Variants in PHF14 observed in about 807,000 individuals in gnomAD.
PHF14 encodes the protein PHD finger protein 14.
PHF14 carries 55 observed loss-of-function variants against 117.9 expected under a neutral mutation model. The ratio of observed to expected loss-of-function variants is 0.47; its 90% CI spans 0.38 to 0.58. The LOEUF (loss-of-function observed/expected upper bound fraction) is 0.58, where lower values mean the gene tolerates loss of function less well. PHF14 is among the 20% of genes least tolerant of loss of function. PHF14 has a pLI of 0.00. For synonymous variants in PHF14, 409 were observed against 368.6 expected, an observed-to-expected ratio of 1.11 and a Z score of -1.26; for missense variants, 978 against 1,122.2, an observed-to-expected ratio of 0.87 and a Z score of 1.84.
chr7:10,989,815 G>A (rs543597514), intron 3 of PHF14, among the ~76,000 whole-genome samples: 2 of 152,208 alleles, frequency 1.3e-5, no homozygotes, highest in South Asian at 4.2e-4. Flanking sequence ...ATATTTTGTA[G>A]AGACAGGATC....
At chr7:11,100,342 G>A (rs182384706) in intron 16 of PHF14, among the ~76,000 whole-genome samples, 79 of 152,076 alleles carry the variant, frequency 5.2e-4, no homozygotes, top group Admixed American at 2.0e-3. Flanking sequence ...GATGCTTACT[G>A]TATCCCAGAC....
chr7:11,094,997 C>T (rs1295955981), intron 16 of PHF14, among the ~76,000 whole-genome samples: 1 of 151,864 alleles, frequency 6.6e-6, no homozygotes, highest in Non-Finnish European at 1.5e-5. Flanking sequence ...CCATTCTAGC[C>T]AGAGGCAGTT....
At chr7:11,105,251 C>T (rs983907841) in intron 16 of PHF14, 2 of 956,672 alleles carry the variant, frequency 2.1e-6, no homozygotes, top group African/African-American at 1.8e-5. Flanking sequence ...CATTGTCATT[C>T]GTTGTTGCTT....
At chr7:11,080,277 A>G in intron 16 of PHF14, among the ~76,000 whole-genome samples, 1 of 152,168 alleles carries the variant, frequency 6.6e-6, no homozygotes, top group East Asian at 1.9e-4. Context: ...AAATTTAAAA[A>G]AAACTTGATA....
At position 10,979,553 on chromosome 7, in the gene PHF14, CTT is replaced by C. The variant is rs202055293; in HGVS notation, c.113-2804_113-2803del. Among the ~76,000 whole-genome samples the C allele has an allele frequency of 7.8e-4, 103 of 131,728 alleles. No homozygotes were observed. The East Asian group carries it at 0.016, about 21-fold the overall frequency. The allele number at this position is 131,728 out of a possible 152,430, so 86.4% of individuals were successfully genotyped here. ...TCTTTTTTTCCTTTCCTTTCTCTCT[CTT>C]TTTTTTTTTTTTTTGGAACATAGCA... On this transcript the variant is annotated intron_variant, in intron 2 of 17. Coordinates refer to ENST00000634607, the MANE Select transcript of PHF14 (RefSeq NM_001007157.2).
rs139939164 is a variant in PHF14 at position 11,123,665 on chromosome 7, A to C, written c.2772+12198A>C. Among the ~76,000 whole-genome samples, 1,106 of 152,174 alleles carry C rather than the reference A, an allele frequency of 7.3e-3. 11 individuals are homozygous for C. Among genetic ancestry groups the C allele is most frequent in the African/African-American group, 0.025 (1,049 of 41,508 alleles). On this transcript the variant is annotated intron_variant, in intron 17 of 17. Coordinates refer to ENST00000634607, the MANE Select transcript of PHF14 (RefSeq NM_001007157.2). ...TGCAGTGGTGTGAACCTTTAGTCCC[A>C]CCTACTCGGGAGGCTGAGACAGGAG...
intron 16 of PHF14, among the ~76,000 whole-genome samples, chr7:11,101,586 T>C (rs1489852162): frequency 6.6e-6 from 1 of 151,906 alleles, no homozygotes; most frequent in Non-Finnish European, 1.5e-5. Flanking sequence ...TATTCTTTTG[T>C]GGGGGTGTTT....
chr7:11,104,182 A>C, intron 16 of PHF14: 2 of 983,722 alleles, frequency 2.0e-6, no homozygotes, highest in Non-Finnish European at 2.4e-6. Context: ...TTTCACTTTG[A>C]TTCCAATTAT....
chr7:11,134,642 G>C (rs549184927), intron 17 of PHF14, among the ~76,000 whole-genome samples: 1 of 152,018 alleles, frequency 6.6e-6, no homozygotes, highest in Non-Finnish European at 1.5e-5. Context: ...GCTAGTTAAT[G>C]ACAGAGCTAT....
chr7:11,142,728 A>C (rs1788435628), intron 17 of PHF14, among the ~76,000 whole-genome samples: 2 of 152,146 alleles, frequency 1.3e-5, no homozygotes, highest in African/African-American at 4.8e-5. Flanking sequence ...CTTGTTCACT[A>C]TCCAAGATTT....
At chr7:11,077,897 G>T (rs1172826606) in intron 16 of PHF14, among the ~76,000 whole-genome samples, 1 of 152,130 alleles carries the variant, frequency 6.6e-6, no homozygotes, top group Admixed American at 6.5e-5. Flanking sequence ...TTGTTCCTCA[G>T]TTGAGAAGTT....
chr7:11,013,856 T>C lies in PHF14; in HGVS notation c.1155T>C (p.Cys385=). The change falls in exon 5 of 18, where the codon TGT becomes TGC. Residue 385 remains cysteine, a synonymous_variant. Transcript: ENST00000634607. ...GTAAATGTGGTGTTTCTCCTAGCTG[T>C]GAACTGTGTCCTAATCAGGATGGAA... The part of the protein sequence containing the change: ...DACKCGVSPS[C]ELCPNQDGIF... 1.2e-6 allele frequency: 2 copies of C among 1,611,192 alleles called. No homozygotes were observed. Among genetic ancestry groups the C allele is most frequent in the Non-Finnish European group, 1.7e-6 (2 of 1,177,760 alleles).
chr7:11,125,442 A>G lies in PHF14; in HGVS notation c.2772+13975A>G, dbSNP rs933376530. ...ACAAGTTTCTCTTCTTCAAAAGAAT[A>G]CTTGCTTCTAAGTGTATTGAGTATA... On this transcript the variant is annotated intron_variant, in intron 17 of 17. Transcript: ENST00000634607. Among the ~76,000 whole-genome samples the G allele has an allele frequency of 5.3e-5, 8 of 152,114 alleles. No homozygotes were observed. In the South Asian group the frequency reaches 1.7e-3, roughly 31 times the overall value.
chr7:11,012,932 A>G (rs1783402512), intron 4 of PHF14, among the ~76,000 whole-genome samples: 1 of 152,188 alleles, frequency 6.6e-6, no homozygotes, highest in East Asian at 1.9e-4. Context: ...AAACTGTTCT[A>G]TAGCTTTAGG....
At chr7:11,041,483 T>C (rs572018925) in intron 12 of PHF14, among the ~76,000 whole-genome samples, 1 of 151,820 alleles carries the variant, frequency 6.6e-6, no homozygotes, top group South Asian at 2.1e-4. Context: ...TATGCATACA[T>C]ATATGTTATG....
intron 4 of PHF14, among the ~76,000 whole-genome samples, chr7:10,996,731 C>T (rs767111057): frequency 6.6e-6 from 1 of 152,178 alleles, no homozygotes; most frequent in Non-Finnish European, 1.5e-5. Context: ...AAGGACCACA[C>T]TACCTAAATA....
intron 5 of PHF14, among the ~76,000 whole-genome samples, chr7:11,018,134 G>C (rs1216157400): frequency 2.6e-5 from 4 of 152,082 alleles, no homozygotes; most frequent in African/African-American, 9.7e-5. Context: ...TTTGTTTTAT[G>C]ACAGTACCAT....
At chr7:11,040,159 C>T (rs891353845) in intron 11 of PHF14, among the ~76,000 whole-genome samples, 4 of 151,970 alleles carry the variant, frequency 2.6e-5, no homozygotes, top group African/African-American at 9.7e-5. Context: ...GTGGGCCCAC[C>T]AGGCCACTGA....
intron 16 of PHF14, chr7:11,107,160 G>T (rs1306239066): frequency 1.0e-6 from 1 of 984,372 alleles, no homozygotes; most frequent in East Asian, 1.1e-4. Context: ...GGCCTCTTAG[G>T]CATTCGATGA....
Sources: allele counts gnomAD v4.1 joint callset (sites outside exome capture counted in the v4.1 genomes callset), GRCh38; gene constraint gnomAD v4.1.1; transcripts MANE v1.5; gene names NCBI Gene and HGNC (gene_info 2026-07-23, HGNC 2026-07-21).